SLC9A9: variants seen among roughly 807,000 people sequenced by gnomAD.
SLC9A9 encodes the protein sodium/hydrogen exchanger 9.
SLC9A9 carries 62 observed loss-of-function variants against 77.8 expected under a neutral mutation model. The ratio of observed to expected loss-of-function variants is 0.80; its 90% CI spans 0.65 to 0.98. SLC9A9 has a LOEUF of 0.98. Among genes scored for constraint, SLC9A9 ranks in the 50% least tolerant of loss-of-function variants. The probability of loss-of-function intolerance (pLI) is 0.00; values close to 1 mark genes in which losing one functional copy is unlikely to be tolerated. For missense variants in SLC9A9, 775 were observed against 774.9 expected, an observed-to-expected ratio of 1.00 and a Z score of 0.00; for synonymous variants, 320 against 283.5, an observed-to-expected ratio of 1.13 and a Z score of -1.29.
In SLC9A9 at chr3:143,334,292, A is replaced by T. The variant is rs187518076; in HGVS notation, c.1604+29192T>A. Among the ~76,000 whole-genome samples, 480 of 152,334 alleles carry T rather than the reference A, an allele frequency of 3.2e-3. 1 individual carries two copies. Among genetic ancestry groups the T allele is most frequent in the South Asian group, 6.8e-3 (33 of 4,830 alleles). ...GTCATGGCCAGTGGAATTAAAATGG[A>T]TTTTAAAGATAAGGTCTCTGATTTT... On this transcript the variant is annotated intron_variant, in intron 14 of 15. Transcript: ENST00000316549.
chr3:143,292,745 C>T (rs1189648920), intron 14 of SLC9A9, among the ~76,000 whole-genome samples: 1 of 152,070 alleles, frequency 6.6e-6, no homozygotes, highest in Non-Finnish European at 1.5e-5. Context: ...TGTGTGGACA[C>T]CTCGGAAGAG....
At chr3:143,744,016 A>G (rs1935144172) in intron 4 of SLC9A9, among the ~76,000 whole-genome samples, 1 of 152,188 alleles carries the variant, frequency 6.6e-6, no homozygotes, top group Non-Finnish European at 1.5e-5. Flanking sequence ...TTATGATTCT[A>G]TGGATGCAGG....
intron 4 of SLC9A9, among the ~76,000 whole-genome samples, chr3:143,770,966 T>C (rs1286579631): frequency 6.6e-6 from 1 of 152,084 alleles, no homozygotes; most frequent in Non-Finnish European, 1.5e-5. Context: ...CATGGCACAG[T>C]ATACCTATGT....
At chr3:143,451,091 C>G (rs1480106282) in intron 12 of SLC9A9, among the ~76,000 whole-genome samples, 1 of 151,962 alleles carries the variant, frequency 6.6e-6, no homozygotes, top group East Asian at 1.9e-4. Context: ...TGAATCATCT[C>G]CAAACACGGG....
chr3:143,446,681 G>A (rs2034849329), intron 12 of SLC9A9, among the ~76,000 whole-genome samples: 3 of 152,194 alleles, frequency 2.0e-5, no homozygotes, highest in South Asian at 4.1e-4. Flanking sequence ...CTATCAGGAT[G>A]GGAAATGTGG....
At chr3:143,820,627 A>G (rs2009141808) in intron 2 of SLC9A9, among the ~76,000 whole-genome samples, 1 of 152,156 alleles carries the variant, frequency 6.6e-6, no homozygotes, top group Non-Finnish European at 1.5e-5. Flanking sequence ...ATGTGACTTC[A>G]GTCTAAGACT....
chr3:143,515,242 T>C (rs975747359), intron 9 of SLC9A9, among the ~76,000 whole-genome samples: 2 of 152,168 alleles, frequency 1.3e-5, no homozygotes, highest in African/African-American at 2.4e-5. Context: ...ATAATTACAA[T>C]AGTGACATCA....
intron 2 of SLC9A9, among the ~76,000 whole-genome samples, chr3:143,814,696 T>C (rs953590393): frequency 6.6e-6 from 1 of 152,138 alleles, no homozygotes; most frequent in African/African-American, 2.4e-5. Flanking sequence ...CAGAAAGAGA[T>C]GTAAGAAGGC....
intron 2 of SLC9A9, among the ~76,000 whole-genome samples, chr3:143,819,370 G>A (rs553154355): frequency 2.6e-5 from 4 of 152,208 alleles, no homozygotes; most frequent in African/African-American, 4.8e-5. Context: ...GCAAAATTAA[G>A]TGGTGAATTA....
chr3:143,431,229 G>A (rs1278779626), intron 12 of SLC9A9, among the ~76,000 whole-genome samples: 1 of 152,006 alleles, frequency 6.6e-6, no homozygotes. Flanking sequence ...TCACAGCCCT[G>A]GGAAGCCTTC....
intron 12 of SLC9A9, among the ~76,000 whole-genome samples, chr3:143,409,242 GATTGAA>G (rs2034046681): frequency 6.6e-6 from 1 of 152,160 alleles, no homozygotes; most frequent in African/African-American, 2.4e-5. Flanking sequence ...TATTTATTCT[GATTGAA>G]ATATGGCAAG....
At chr3:143,724,747 AC>A (rs1196743037) in intron 4 of SLC9A9, among the ~76,000 whole-genome samples, 2 of 152,234 alleles carry the variant, frequency 1.3e-5, no homozygotes, top group Non-Finnish European at 2.9e-5. Flanking sequence ...AAAACAATTA[AC>A]TTTTATGAAA....
Position 143,848,165 on chromosome 3 carries a change from C to T in SLC9A9, c.158G>A (p.Gly53Glu). ...NHRFRFLHETGGAMVYGLIMG... is the reference protein window; with the variant it reads ...NHRFRFLHETEGAMVYGLIMG... ...GCACTCACCATACACCATTGCTCCT[C>T]CAGTTTCATGCAAGAAGCGGAATCG... is the stretch of plus-strand genomic sequence containing the variant. The change falls in exon 1 of 16, where the codon GGA becomes GAA. Residue 53 changes from glycine (G) to glutamate (E), a missense_variant. Transcript: ENST00000316549. 1 of 1,613,982 alleles carries T rather than the reference C, an allele frequency of 6.2e-7. No homozygotes were observed.
chr3:143,287,483 A>G (rs2108413572), intron 14 of SLC9A9, among the ~76,000 whole-genome samples: 1 of 152,226 alleles, frequency 6.6e-6, no homozygotes, highest in East Asian at 1.9e-4. Context: ...AGCTTCTCTT[A>G]TGATTCTGTC....
Position 143,277,805 on chromosome 3 carries a change from T to C in SLC9A9, c.1605-8825A>G, listed in dbSNP as rs147034384. Among the ~76,000 whole-genome samples, 8 of 152,314 alleles carry C rather than the reference T, an allele frequency of 5.3e-5. No individual in the cohort carries two copies. In the East Asian group the frequency reaches 1.5e-3, roughly 29 times the overall value. On this transcript the variant is annotated intron_variant, in intron 14 of 15. Coordinates refer to ENST00000316549, the MANE Select transcript of SLC9A9 (RefSeq NM_173653.4). ...TTGACAACAGGCCTTTGAAGGTCACTTCCCTGACAATTTGTTGGAGAAATG... is the reference window on the plus strand; with the variant it reads ...TTGACAACAGGCCTTTGAAGGTCACCTCCCTGACAATTTGTTGGAGAAATG...
intron 14 of SLC9A9, among the ~76,000 whole-genome samples, chr3:143,347,361 T>C (rs2032315836): frequency 6.6e-6 from 1 of 152,074 alleles, no homozygotes. Context: ...CATTAACAAA[T>C]GGATGATGAG....
intron 12 of SLC9A9, among the ~76,000 whole-genome samples, chr3:143,436,644 A>G (rs1462301099): frequency 6.6e-6 from 1 of 152,264 alleles, no homozygotes; most frequent in Non-Finnish European, 1.5e-5. Context: ...ACAGCAAAAT[A>G]AAACATTGCC....
intron 4 of SLC9A9, among the ~76,000 whole-genome samples, chr3:143,709,986 C>T (rs1430933208): frequency 6.6e-6 from 1 of 152,090 alleles, no homozygotes; most frequent in African/African-American, 2.4e-5. Flanking sequence ...TGTAATGTCC[C>T]ACCTAATTTT....
intron 14 of SLC9A9, among the ~76,000 whole-genome samples, chr3:143,277,421 A>C (rs530761553): frequency 5.1e-4 from 77 of 152,310 alleles, no homozygotes; most frequent in African/African-American, 1.7e-3. Flanking sequence ...TCTGAAAACC[A>C]CTGGAGCAGA....
Sources: allele counts gnomAD v4.1 joint callset (sites outside exome capture counted in the v4.1 genomes callset), GRCh38; gene constraint gnomAD v4.1.1; transcripts MANE v1.5; gene names NCBI Gene and HGNC (gene_info 2026-07-23, HGNC 2026-07-21).